TMEM267: variants seen among roughly 807,000 people sequenced by gnomAD.
TMEM267 encodes transmembrane protein 267.
In TMEM267, 20 loss-of-function variants were observed where a neutral mutation model predicts 19.3. That is an observed-to-expected ratio of 1.04 (90% CI 0.73 to 1.51). The LOEUF (loss-of-function observed/expected upper bound fraction) is 1.51, where lower values mean the gene tolerates loss of function less well. Among genes scored for constraint, TMEM267 ranks in the 40% most tolerant of loss-of-function variants. TMEM267 has a pLI of 0.00. For missense variants in TMEM267, 242 were observed against 261.9 expected, an observed-to-expected ratio of 0.92 and a Z score of 0.52; for synonymous variants, 88 against 90.3, an observed-to-expected ratio of 0.97 and a Z score of 0.15.
At chr5:43,473,095 G>A (rs976222709) in intron 1 of TMEM267, among the ~76,000 whole-genome samples, 13 of 129,526 alleles carry the variant, frequency 1.0e-4, no homozygotes, top group Non-Finnish European at 1.7e-4. Flanking sequence ...ACGAGATCAC[G>A]CCACTGCACT....
At chr5:43,476,806 T>G (rs541213074) in intron 1 of TMEM267, among the ~76,000 whole-genome samples, 1 of 151,720 alleles carries the variant, frequency 6.6e-6, no homozygotes, top group East Asian at 1.9e-4. Flanking sequence ...AGAGGAATGA[T>G]GTAATATTTG....
At position 43,453,638 on chromosome 5, in the gene TMEM267, A is replaced by C; in HGVS notation, c.312+20T>G. The stretch of plus-strand genomic sequence containing the variant: ...GCTAAGGAAATTAAAGATCAGAAAA[A>C]TTAAGCCTATGCTTTTTACCTTTAA... On this transcript the variant is annotated intron_variant, in intron 2 of 2. Coordinates refer to ENST00000397080, the MANE Select transcript of TMEM267 (RefSeq NM_022483.5). 1 of 1,598,800 alleles carries C rather than the reference A, an allele frequency of 6.3e-7. No individual in the cohort carries two copies. The highest frequency in any genetic ancestry group is 8.5e-7 in the Non-Finnish European group (1 of 1,173,738).
rs116018654 is a variant in TMEM267, at chr5:43,477,241, C to G, written c.-75+6581G>C. On this transcript the variant is annotated intron_variant, in intron 1 of 2. Transcript: ENST00000397080. Reference sequence around the variant, plus strand: ...GGAAATTGGGAAATCACAGACTTGTCAGGTTTTGAAAACCAGGCTTTGAAA... The same window carrying G: ...GGAAATTGGGAAATCACAGACTTGTGAGGTTTTGAAAACCAGGCTTTGAAA... Among the ~76,000 whole-genome samples, 718 of 152,132 alleles carry G rather than the reference C, an allele frequency of 4.7e-3. 5 individuals are homozygous for G. Among genetic ancestry groups the G allele is most frequent in the African/African-American group, 0.016 (646 of 41,502 alleles).
chr5:43,458,081 T>A (rs1055879588), intron 1 of TMEM267, among the ~76,000 whole-genome samples: 1 of 152,004 alleles, frequency 6.6e-6, no homozygotes, highest in Non-Finnish European at 1.5e-5. Context: ...CCATTTCTAT[T>A]TATTTAATTT....
intron 1 of TMEM267, among the ~76,000 whole-genome samples, chr5:43,482,665 G>A (rs547795495): frequency 3.3e-5 from 5 of 152,256 alleles, no homozygotes; most frequent in African/African-American, 1.2e-4. Context: ...TAGCTTCTCT[G>A]ACATAACTGA....
intron 1 of TMEM267, among the ~76,000 whole-genome samples, chr5:43,471,197 G>A (rs1266303150): frequency 1.3e-5 from 2 of 151,784 alleles, no homozygotes; most frequent in Non-Finnish European, 2.9e-5. Flanking sequence ...ACTTATAATA[G>A]CCACACATAA....
chr5:43,481,311 G>A (rs531908587), intron 1 of TMEM267, among the ~76,000 whole-genome samples: 7 of 151,022 alleles, frequency 4.6e-5, no homozygotes, highest in African/African-American at 1.5e-4. Context: ...TGTGTTGCCC[G>A]GGCTGGTCTT....
At chr5:43,470,879 C>G (rs990011197) in intron 1 of TMEM267, among the ~76,000 whole-genome samples, 24 of 151,736 alleles carry the variant, frequency 1.6e-4, no homozygotes, top group African/African-American at 5.3e-4. Context: ...AACTATTAAA[C>G]TAGAAAAGCA....
intron 1 of TMEM267, among the ~76,000 whole-genome samples, chr5:43,483,203 C>T (rs969173846): frequency 6.6e-6 from 1 of 152,170 alleles, no homozygotes; most frequent in Non-Finnish European, 1.5e-5. Flanking sequence ...TTTTTATAGC[C>T]ATCAGATGTC....
At chr5:43,476,968 G>C (rs1744463216) in intron 1 of TMEM267, among the ~76,000 whole-genome samples, 1 of 150,004 alleles carries the variant, frequency 6.7e-6, no homozygotes, top group Non-Finnish European at 1.5e-5. Flanking sequence ...AAGGCAGGAG[G>C]ATTGCTTGAG....
chr5:43,454,582 A>C (rs1742831767), intron 1 of TMEM267: 2 of 152,300 alleles, frequency 1.3e-5, no homozygotes, highest in Non-Finnish European at 2.9e-5. Flanking sequence ...CTTGGAGGCC[A>C]TGGGCTCCAC....
intron 1 of TMEM267, among the ~76,000 whole-genome samples, chr5:43,481,071 T>TGTAATCCTCCCAA (rs1172831740): frequency 6.6e-6 from 1 of 151,132 alleles, no homozygotes; most frequent in Non-Finnish European, 1.5e-5. Context: ...CCCAAAGTGC[T>TGTAATCCTCCCAA]AGGATTACAG....
At chr5:43,482,003 C>T (rs1482097070) in intron 1 of TMEM267, among the ~76,000 whole-genome samples, 1 of 152,120 alleles carries the variant, frequency 6.6e-6, no homozygotes, top group Non-Finnish European at 1.5e-5. Flanking sequence ...CCACCACGCC[C>T]GGCTAATTTC....
At position 43,481,106 on chromosome 5, in the gene TMEM267, CTTTTTTTT is replaced by C. The variant is rs70994700; in HGVS notation, c.-75+2708_-75+2715del. Among the ~76,000 whole-genome samples, 674 of 124,440 alleles carry C rather than the reference CTTTTTTTT, an allele frequency of 5.4e-3. 4 individuals are homozygous for C. Among genetic ancestry groups the C allele is most frequent in the African/African-American group, 0.019 (599 of 31,714 alleles). 81.6% of individuals were successfully genotyped at this position (124,440 alleles called of 152,430 possible). On this transcript the variant is annotated intron_variant, in intron 1 of 2. Coordinates refer to ENST00000397080, the MANE Select transcript of TMEM267 (RefSeq NM_022483.5). ...GGCGTGAGCCACTGCGCCCGGCTTA[CTTTTTTTT>C]TTTTTTTTTTTTGACAAGGTATCTC...
intron 2 of TMEM267, among the ~76,000 whole-genome samples, chr5:43,453,322 G>A (rs1339567741): frequency 6.6e-6 from 1 of 152,220 alleles, no homozygotes; most frequent in Non-Finnish European, 1.5e-5. Context: ...AACTAGGACA[G>A]CCTTGAGAAT....
At chr5:43,454,704 T>C (rs1177281271) in intron 1 of TMEM267, 1 of 152,210 alleles carries the variant, frequency 6.6e-6, no homozygotes, top group Non-Finnish European at 1.5e-5. Flanking sequence ...TTCTCAGAGC[T>C]ACCCTAGATC....
rs145911600 is a variant in TMEM267 at position 43,471,054 on chromosome 5, A to G, written c.-75+12768T>C. On this transcript the variant is annotated intron_variant, in intron 1 of 2. Coordinates refer to ENST00000397080, the MANE Select transcript of TMEM267 (RefSeq NM_022483.5). ...AAACTTTAGCCAGACTAAGAAAAAA[A>G]GAGGGAAGATAAAAGAGAGAAGATA... Among the ~76,000 whole-genome samples, 473 of 152,236 alleles carry G rather than the reference A, an allele frequency of 3.1e-3. 6 individuals are homozygous for G. Among genetic ancestry groups the G allele is most frequent in the African/African-American group, 0.011 (452 of 41,564 alleles).
upstream of TMEM267, chr5:43,484,223 G>A (rs995008813): frequency 6.6e-6 from 1 of 152,310 alleles, no homozygotes. Context: ...GGATAGAAAA[G>A]TGGCCTCCCC....
At chr5:43,480,273 G>C (rs1172620605) in intron 1 of TMEM267, among the ~76,000 whole-genome samples, 3 of 152,104 alleles carry the variant, frequency 2.0e-5, no homozygotes, top group Non-Finnish European at 4.4e-5. Context: ...TAACACAAAA[G>C]CTCTGCTGCC....
Sources: allele counts gnomAD v4.1 joint callset (sites outside exome capture counted in the v4.1 genomes callset), GRCh38; gene constraint gnomAD v4.1.1; transcripts MANE v1.5; gene names NCBI Gene and HGNC (gene_info 2026-07-23, HGNC 2026-07-21).